Variants in SORCS1 observed in about 807,000 individuals in gnomAD.
The protein encoded by SORCS1 is sortilin related VPS10 domain containing receptor 1.
In SORCS1, 60 loss-of-function variants were observed where a neutral mutation model predicts 146.1. The ratio of observed to expected loss-of-function variants is 0.41; its 90% CI spans 0.33 to 0.51. The LOEUF is 0.51. Among genes scored for constraint, SORCS1 ranks in the 20% least tolerant of loss-of-function variants. The pLI is 0.21. For missense variants in SORCS1, 1,352 were observed against 1,487.6 expected (o/e 0.91, Z 1.50); for synonymous variants, 637 against 584.0 (o/e 1.09, Z -1.31).
chr10:107,029,901 T>C (rs1958572378), intron 1 of SORCS1, among the ~76,000 whole-genome samples: 1 of 152,190 alleles, frequency 6.6e-6, no homozygotes, highest in Non-Finnish European at 1.5e-5. Flanking sequence ...ACAGTGTATG[T>C]GACATCTCTA....
chr10:106,730,148 A>G (rs762688748), intron 5 of SORCS1, 34 bp from the exon 6 acceptor site: 1 of 1,609,180 alleles, frequency 6.2e-7, no homozygotes, highest in Admixed American at 1.7e-5. Context: ...AGAAACATCC[A>G]TATTAATGAC....
intron 23 of SORCS1, among the ~76,000 whole-genome samples, chr10:106,604,365 C>T (rs143310472): frequency 6.9e-4 from 105 of 152,272 alleles, no homozygotes; most frequent in African/African-American, 2.4e-3. Context: ...CTCCAGGAGA[C>T]TCCCCTGTCT....
rs1207412966 is a variant in SORCS1 at position 106,865,396 on chromosome 10, C to T, written c.627-35723G>A. ...CAAGTTGACTAGGAACTGGAGCGGA[C>T]CCCCAACATACCACACAGCAGCCCT... On this transcript the variant is annotated intron_variant, in intron 2 of 25. Transcript: ENST00000263054. Among the ~76,000 whole-genome samples the T allele has an allele frequency of 2.0e-5, 3 of 152,146 alleles. No individual in the cohort carries two copies. The South Asian group carries it at 6.2e-4, about 31-fold the overall frequency.
At chr10:106,664,358 A>G (rs1467052009) in intron 17 of SORCS1, among the ~76,000 whole-genome samples, 2 of 152,194 alleles carry the variant, frequency 1.3e-5, no homozygotes, top group Non-Finnish European at 1.5e-5. Context: ...AAGATCTCAG[A>G]TGGGCCAGGC....
At chr10:106,604,438 G>T (rs1016048089) in intron 23 of SORCS1, among the ~76,000 whole-genome samples, 1 of 152,108 alleles carries the variant, frequency 6.6e-6, no homozygotes, top group Non-Finnish European at 1.5e-5. Flanking sequence ...TTCCATCAGG[G>T]TAATAATGTT....
intron 19 of SORCS1, among the ~76,000 whole-genome samples, chr10:106,626,970 C>T (rs1848151224): frequency 6.6e-6 from 1 of 152,204 alleles, no homozygotes; most frequent in Non-Finnish European, 1.5e-5. Flanking sequence ...TTATCTTCCT[C>T]TAAGGTTAAG....
intron 1 of SORCS1, among the ~76,000 whole-genome samples, chr10:107,126,842 C>T (rs956588701): frequency 3.3e-5 from 5 of 151,970 alleles, no homozygotes; most frequent in African/African-American, 1.2e-4. Flanking sequence ...CACAGTCTGT[C>T]CATGACAGAA....
chr10:107,130,738 CT>C (rs944740535), intron 1 of SORCS1, among the ~76,000 whole-genome samples: 767 of 142,712 alleles, frequency 5.4e-3, no homozygotes, highest in African/African-American at 9.8e-3. Context: ...AGAAAGTTTT[CT>C]TTTTTTTTTT....
Position 106,776,578 on chromosome 10 carries a change from G to A in SORCS1, c.841C>T (p.Pro281Ser). The stretch of plus-strand genomic sequence containing the variant: ...GCCAGAATCCAGTCTTCTTGTTTGG[G>A]GTGAAAAAGCAAGCTTTGAATGTAG... ...NFYIQSLLFH[P>S]KQEDWILAYS... Residue 281 changes from proline to serine, a missense_variant, in exon 4 of 26, where the codon CCC becomes TCC. Physicochemically the swap from Pro to Ser is moderately conservative, Grantham distance 74. Around this residue, in one of 3 missense-constraint regions of SORCS1, gnomAD observed 490 missense variants for 489.1 expected, o/e 1.00. Coordinates refer to ENST00000263054, the MANE Select transcript of SORCS1 (RefSeq NM_052918.5). The A allele has an allele frequency of 6.2e-7, 1 of 1,613,964 alleles. No homozygotes were observed. Among genetic ancestry groups the A allele is most frequent in the Non-Finnish European group, 8.5e-7 (1 of 1,179,920 alleles).
chr10:106,924,699 G>C (rs1446052772), intron 2 of SORCS1, among the ~76,000 whole-genome samples: 1 of 150,642 alleles, frequency 6.6e-6, no homozygotes, highest in Admixed American at 6.6e-5. Context: ...TGACAGCCCT[G>C]AGAAACAGAT....
Position 106,605,331 on chromosome 10 carries a change from A to G in SORCS1, c.3165+1835T>C, listed in dbSNP as rs544549599. 1.7e-4 allele frequency among the ~76,000 whole-genome samples: 26 copies of G among 152,346 alleles called. 1 individual carries two copies. The highest frequency in any genetic ancestry group is 1.6e-3 in the Admixed American group (24 of 15,296). Reference sequence around the variant, plus strand: ...ACAGAATGGACCCCTCTTCTTTCCAAATTTCCCCTCAAATAATGATGTAGA... The same window carrying G: ...ACAGAATGGACCCCTCTTCTTTCCAGATTTCCCCTCAAATAATGATGTAGA... On this transcript the variant is annotated intron_variant, in intron 23 of 25. Coordinates refer to ENST00000263054, the MANE Select transcript of SORCS1 (RefSeq NM_052918.5).
intron 2 of SORCS1, among the ~76,000 whole-genome samples, chr10:106,932,072 G>A (rs2138601231): frequency 6.6e-6 from 1 of 152,224 alleles, no homozygotes; most frequent in East Asian, 1.9e-4. Flanking sequence ...CCCTGGGGAT[G>A]TTCTCATGGG....
intron 18 of SORCS1, among the ~76,000 whole-genome samples, chr10:106,644,453 G>T (rs534568258): frequency 6.6e-6 from 1 of 151,770 alleles, no homozygotes; most frequent in African/African-American, 2.4e-5. Flanking sequence ...TGCAACCTCC[G>T]CCTCCCAGGT....
At position 106,903,873 on chromosome 10, in the gene SORCS1, T is replaced by G. The variant is rs190659748; in HGVS notation, c.626+52640A>C. 3.5e-3 allele frequency among the ~76,000 whole-genome samples: 529 copies of G among 152,306 alleles called. 2 individuals are homozygous for G. The highest frequency in any genetic ancestry group is 5.6e-3 in the Non-Finnish European group (378 of 68,022). On this transcript the variant is annotated intron_variant, in intron 2 of 25. Coordinates refer to ENST00000263054, the MANE Select transcript of SORCS1 (RefSeq NM_052918.5). ...TATGCATGGGACAAAATAGTTTTATTTGCCTGTTTATTGTGGTCTCTCTGA... is the reference window on the plus strand; with the variant it reads ...TATGCATGGGACAAAATAGTTTTATGTGCCTGTTTATTGTGGTCTCTCTGA...
intron 23 of SORCS1, among the ~76,000 whole-genome samples, chr10:106,599,493 G>C (rs886086821): frequency 1.3e-5 from 2 of 152,050 alleles, no homozygotes; most frequent in Admixed American, 6.5e-5. Flanking sequence ...TCTTTTAATT[G>C]GCAGAGTCTT....
At chr10:106,822,820 G>C (rs1225869926) in intron 3 of SORCS1, among the ~76,000 whole-genome samples, 1 of 109,096 alleles carries the variant, frequency 9.2e-6, no homozygotes, top group East Asian at 3.1e-4. Flanking sequence ...GCTCTGTTGT[G>C]CCCAGGCTGG....
At chr10:106,976,954 G>A (rs1312737931) in intron 1 of SORCS1, among the ~76,000 whole-genome samples, 1 of 152,140 alleles carries the variant, frequency 6.6e-6, no homozygotes, top group African/African-American at 2.4e-5. Context: ...GGGCATTTGG[G>A]TTGGTTCCAT....
chr10:106,597,954 C>A (rs913833577), intron 23 of SORCS1, among the ~76,000 whole-genome samples: 16 of 152,170 alleles, frequency 1.1e-4, no homozygotes, highest in African/African-American at 3.4e-4. Flanking sequence ...ACGTAAGTAA[C>A]AAATTGGCTA....
intron 1 of SORCS1, among the ~76,000 whole-genome samples, chr10:107,139,353 A>T (rs1967604549): frequency 6.6e-6 from 1 of 152,212 alleles, no homozygotes; most frequent in Non-Finnish European, 1.5e-5. Flanking sequence ...AGAAAAAAAA[A>T]GTCAAGACAA....
Sources: gnomAD v4.1 joint callset for allele counts (sites outside exome capture counted in the v4.1 genomes callset) on GRCh38, gnomAD v4.1.1 for gene constraint, gnomAD v4.1.1 regional missense constraint, MANE v1.5 for transcripts, NCBI Gene and HGNC (gene_info 2026-07-23, HGNC 2026-07-21) for gene names.